CHN2: variants seen among roughly 807,000 people sequenced by gnomAD.
The protein encoded by CHN2 is chimerin 2, also known as beta-chimaerin.
Under a neutral mutation model 56.3 loss-of-function variants are expected in CHN2, and 35 were observed. The observed-to-expected ratio is 0.62, with a 90% CI of 0.47 to 0.82. The LOEUF (loss-of-function observed/expected upper bound fraction) is 0.82, where lower values mean the gene tolerates loss of function less well. Among genes scored for constraint, CHN2 ranks in the 40% least tolerant of loss-of-function variants. The pLI is 0.00. For synonymous variants in CHN2, 210 were observed against 212.8 expected (o/e 0.99, Z 0.12); for missense variants, 491 against 580.5 (o/e 0.85, Z 1.58).
At chr7:29,422,244 T>C (rs567845444) in intron 6 of CHN2, among the ~76,000 whole-genome samples, 5 of 152,286 alleles carry the variant, frequency 3.3e-5, no homozygotes, top group African/African-American at 1.2e-4. Context: ...TGATGGAAGG[T>C]TGGGCGTGGA....
intron 1 of CHN2, among the ~76,000 whole-genome samples, chr7:29,266,172 C>T (rs973924446): frequency 1.3e-5 from 2 of 152,186 alleles, no homozygotes; most frequent in African/African-American, 2.4e-5. Context: ...AGAAGAGTTT[C>T]CTAGGAAACT....
At position 29,376,238 on chromosome 7, in the gene CHN2, G is replaced by A. The variant is rs1024086260; in HGVS notation, c.144+8251G>A. 7.9e-5 allele frequency: 12 copies of A among 152,280 alleles called. No individual in the cohort carries two copies. In the South Asian group the frequency reaches 1.7e-3, roughly 21 times the overall value. 9.4% of individuals were successfully genotyped at this position (152,280 alleles called of 1,614,324 possible). ...ATAGAAATGACAGCTATCACATATG[G>A]AGTACTTCCTGTGCCCTGAGCACCG... On this transcript the variant is annotated intron_variant, in intron 3 of 12. Transcript: ENST00000222792.
At chr7:29,425,878 G>C (rs972333482) in intron 6 of CHN2, among the ~76,000 whole-genome samples, 1 of 152,214 alleles carries the variant, frequency 6.6e-6, no homozygotes, top group Non-Finnish European at 1.5e-5. Flanking sequence ...CATGAATGTG[G>C]TATTTAACTC....
chr7:29,399,043 C>G (rs1055039087), intron 5 of CHN2, among the ~76,000 whole-genome samples: 1 of 152,212 alleles, frequency 6.6e-6, no homozygotes, highest in Non-Finnish European at 1.5e-5. Flanking sequence ...CTCCCTACTC[C>G]TTACTTGATA....
chr7:29,249,951 T>C (rs1440768310), intron 1 of CHN2, among the ~76,000 whole-genome samples: 1 of 152,240 alleles, frequency 6.6e-6, no homozygotes, highest in Admixed American at 6.5e-5. Flanking sequence ...AAGAATTACC[T>C]TTTCTTCTAC....
intron 6 of CHN2, among the ~76,000 whole-genome samples, chr7:29,414,017 C>G (rs1294818845): frequency 6.6e-6 from 1 of 152,152 alleles, no homozygotes; most frequent in Non-Finnish European, 1.5e-5. Context: ...AGAACAATCT[C>G]TGTGTGCATT....
At chr7:29,507,462 G>A in intron 11 of CHN2, 97 bp downstream of exon 11, 1 of 917,376 alleles carries the variant, frequency 1.1e-6, no homozygotes, top group South Asian at 1.7e-5. Context: ...TTAAATTATT[G>A]CATTTGTGCC....
At chr7:29,400,454 G>A (rs1450230128) in intron 5 of CHN2, 89 bp from the exon 6 acceptor site, 11 of 1,307,320 alleles carry the variant, frequency 8.4e-6, no homozygotes, top group Non-Finnish European at 7.5e-6. Flanking sequence ...GATACACTAA[G>A]TATTCAAAAA....
At chr7:29,468,352 G>C (rs995523214) in intron 6 of CHN2, among the ~76,000 whole-genome samples, 1 of 152,082 alleles carries the variant, frequency 6.6e-6, no homozygotes, top group Non-Finnish European at 1.5e-5. Flanking sequence ...GCGGAGCTGG[G>C]TAAGTGTTCT....
At chr7:29,380,780 G>A (rs548599174) in intron 3 of CHN2, 26 of 152,254 alleles carry the variant, frequency 1.7e-4, no homozygotes, top group African/African-American at 5.3e-4. Flanking sequence ...AGTTCTGTTG[G>A]GTACTTCAAG....
chr7:29,319,134 T>C (rs1795160679), intron 1 of CHN2, among the ~76,000 whole-genome samples: 1 of 152,228 alleles, frequency 6.6e-6, no homozygotes, highest in Admixed American at 6.5e-5. Context: ...TGCAACTATG[T>C]GTGTGAAATT....
rs1002310403 is a variant in CHN2, at chr7:29,513,218, A to G, written c.*483A>G. On this transcript the variant is annotated 3_prime_UTR_variant, in exon 13 of 13. Transcript: ENST00000222792. Reference sequence around the variant, plus strand: ...TAGCAAATAGAACTCAATGCAGTGCATTGGTTATTACCCTGTGTACCTTGT... The same window carrying G: ...TAGCAAATAGAACTCAATGCAGTGCGTTGGTTATTACCCTGTGTACCTTGT... 6.4e-6 allele frequency: 1 copy of G among 155,424 alleles called. No individual in the cohort carries two copies. The highest frequency in any genetic ancestry group is 1.4e-5 in the Non-Finnish European group (1 of 69,754). 9.6% of individuals were successfully genotyped at this position (155,424 alleles called of 1,614,324 possible).
At chr7:29,371,417 C>T (rs1032382324) in intron 3 of CHN2, among the ~76,000 whole-genome samples, 1 of 152,174 alleles carries the variant, frequency 6.6e-6, no homozygotes, top group Non-Finnish European at 1.5e-5. Flanking sequence ...ATTGGGCAGC[C>T]GCAGCACCTG....
intron 2 of CHN2, among the ~76,000 whole-genome samples, chr7:29,169,971 G>A (rs1258785949): frequency 6.6e-6 from 1 of 151,724 alleles, no homozygotes; most frequent in Non-Finnish European, 1.5e-5. Flanking sequence ...TGAACCCCTG[G>A]GCTCAAGTGA....
chr7:29,481,460 T>C (rs1457255126), intron 7 of CHN2, among the ~76,000 whole-genome samples: 8 of 152,192 alleles, frequency 5.3e-5, no homozygotes, highest in Admixed American at 5.2e-4. Flanking sequence ...TCTGTTTCCC[T>C]GCATCTGTTT....
At chr7:29,509,844 CAAA>C (rs34925686) in intron 12 of CHN2, among the ~76,000 whole-genome samples, 184 of 134,176 alleles carry the variant, frequency 1.4e-3, no homozygotes, top group Middle Eastern at 7.7e-3. Context: ...GACTCCATCT[CAAA>C]AAAAAAAAAA....
intron 2 of CHN2, among the ~76,000 whole-genome samples, chr7:29,167,634 TGTGTAA>T (rs958331129): frequency 2.8e-4 from 43 of 152,314 alleles, no homozygotes; most frequent in African/African-American, 1.0e-3. Flanking sequence ...CAGTCAAAAG[TGTGTAA>T]GTGTTTTTAT....
intron 6 of CHN2, among the ~76,000 whole-genome samples, chr7:29,405,160 ACCAT>A (rs1173681924): frequency 1.4e-5 from 1 of 69,258 alleles, no homozygotes; most frequent in African/African-American, 4.3e-5. Context: ...TGCTTATGTC[ACCAT>A]ACACACACAC....
At chr7:29,362,149 T>C (rs1199363535) in intron 2 of CHN2, among the ~76,000 whole-genome samples, 1 of 152,184 alleles carries the variant, frequency 6.6e-6, no homozygotes, top group Admixed American at 6.5e-5. Flanking sequence ...TAGGAGTTTC[T>C]AATGTGAGCA....
Sources: allele counts gnomAD v4.1 joint callset (sites outside exome capture counted in the v4.1 genomes callset), GRCh38; gene constraint gnomAD v4.1.1; transcripts MANE v1.5; gene names NCBI Gene and HGNC (gene_info 2026-07-23, HGNC 2026-07-21).